PON3: variants seen among roughly 807,000 people sequenced by gnomAD.
The protein encoded by PON3 is paraoxonase 3.
Under a neutral mutation model 36.3 loss-of-function variants are expected in PON3, and 37 were observed. The observed-to-expected ratio is 1.02, with a 90% CI of 0.78 to 1.34. PON3 has a LOEUF of 1.34. PON3 is among the 40% of genes most tolerant of loss of function. The pLI, the probability that PON3 is intolerant of heterozygous loss-of-function variation, is 0.00. For synonymous variants in PON3, 155 were observed against 154.8 expected (o/e 1.00, Z -0.01); for missense variants, 415 against 426.5 (o/e 0.97, Z 0.24).
Position 95,367,502 on chromosome 7 carries a change from A to C in PON3, c.368-14T>G. 6.2e-7 allele frequency: 1 copy of C among 1,611,756 alleles called. No homozygotes were observed. The highest frequency in any genetic ancestry group is 8.5e-7 in the Non-Finnish European group (1 of 1,178,796). On this transcript the variant is annotated splice_polypyrimidine_tract_variant and intron_variant, in intron 4 of 8. Coordinates refer to ENST00000265627, the MANE Select transcript of PON3 (RefSeq NM_000940.3). The stretch of plus-strand genomic sequence containing the variant: ...ACACAGTATTGTCTACATGGAAAAA[A>C]GGGATAATTTCCAAGAAAGTTACCC...
chr7:95,363,890 T>C lies in PON3; in HGVS notation c.668A>G (p.Asn223Ser), dbSNP rs780945396. 10 of 1,613,540 alleles carry C rather than the reference T, an allele frequency of 6.2e-6. No individual in the cohort carries two copies. Among genetic ancestry groups the C allele is most frequent in the Admixed American group, 5.0e-5 (3 of 59,978 alleles). Residue 223 changes from asparagine (N) to serine (S), a missense_variant, in exon 6 of 9, where the codon AAT becomes AGT. Coordinates refer to ENST00000265627, the MANE Select transcript of PON3 (RefSeq NM_000940.3). The part of the protein sequence containing the change: ...KVVAKGFCSA[N>S]GITVSADQKY... ...CTGGTCTGCTGAGACTGTGATCCCATTGGCACTACAAAATCCTTTGGCCAC... is the reference window on the plus strand; with the variant it reads ...CTGGTCTGCTGAGACTGTGATCCCACTGGCACTACAAAATCCTTTGGCCAC...
At chr7:95,369,700 CG>C (rs924308441) in intron 4 of PON3, among the ~76,000 whole-genome samples, 1 of 152,052 alleles carries the variant, frequency 6.6e-6, no homozygotes, top group Non-Finnish European at 1.5e-5. Flanking sequence ...TGCTTGAACC[CG>C]GGAGGCAGGG....
Position 95,363,851 on chromosome 7 carries a change from A to G in PON3, c.695+12T>C, listed in dbSNP as rs17879069. The G allele has an allele frequency of 1.0e-3, 1,640 of 1,611,374 alleles. 14 individuals are homozygous for G. In the African/African-American group the frequency reaches 0.019, roughly 19 times the overall value. The stretch of plus-strand genomic sequence containing the variant: ...AAGGGCAAAGGATAGAAAAATACAC[A>G]AAAGAGCTTACTTCTGGTCTGCTGA... On this transcript the variant is annotated intron_variant, in intron 6 of 8. Transcript: ENST00000265627.
chr7:95,366,181 T>C (rs1808688352), intron 5 of PON3, among the ~76,000 whole-genome samples: 3 of 152,186 alleles, frequency 2.0e-5, no homozygotes, highest in Admixed American at 2.0e-4. Context: ...CTGCACTTTC[T>C]GGGAGACTCT....
rs1226692882 is a variant in PON3, at chr7:95,394,677, C to G, written c.112G>C (p.Glu38Gln). ...VNASREVEPV[E>Q]PENCHLIEEL... ...TCAATAAGGTGGCAGTTTTCAGGTT[C>G]TACTGGCTCCACTTCTCGAGAGGCA... Residue 38 changes from glutamate (E) to glutamine (Q), a missense_variant, in exon 2 of 9, where the codon GAA becomes CAA. Coordinates refer to ENST00000265627, the MANE Select transcript of PON3 (RefSeq NM_000940.3). 3 of 1,614,014 alleles carry G rather than the reference C, an allele frequency of 1.9e-6. No individual in the cohort carries two copies. The African/African-American group carries it at 4.0e-5, about 22-fold the overall frequency.
At chr7:95,394,991 A>G (rs1809397786) in intron 1 of PON3, among the ~76,000 whole-genome samples, 1 of 152,220 alleles carries the variant, frequency 6.6e-6, no homozygotes, top group Non-Finnish European at 1.5e-5. Context: ...AAAAGACACT[A>G]TTTAATAGTA....
intron 3 of PON3, among the ~76,000 whole-genome samples, chr7:95,385,328 T>G (rs1048848505): frequency 1.8e-4 from 28 of 152,154 alleles, no homozygotes; most frequent in African/African-American, 6.0e-4. Context: ...ATTGTGCACA[T>G]GTACCCTAGA....
At chr7:95,372,799 C>T (rs1562771987) in intron 3 of PON3, among the ~76,000 whole-genome samples, 1 of 152,164 alleles carries the variant, frequency 6.6e-6, no homozygotes, top group Non-Finnish European at 1.5e-5. Context: ...CCCATTCCTA[C>T]ATCGATTATA....
At chr7:95,382,216 A>T (rs62469562) in intron 3 of PON3, among the ~76,000 whole-genome samples, 1 of 152,120 alleles carries the variant, frequency 6.6e-6, no homozygotes, top group Non-Finnish European at 1.5e-5. Flanking sequence ...TGTAGAGGGA[A>T]ATTTATAGCA....
chr7:95,386,824 GT>G (rs1207968214), intron 3 of PON3, among the ~76,000 whole-genome samples: 1 of 152,112 alleles, frequency 6.6e-6, no homozygotes, highest in African/African-American at 2.4e-5. Flanking sequence ...TGCAAGGCTG[GT>G]TCAACATACA....
intron 3 of PON3, among the ~76,000 whole-genome samples, chr7:95,378,002 A>G (rs1808958936): frequency 6.6e-6 from 1 of 152,196 alleles, no homozygotes; most frequent in Non-Finnish European, 1.5e-5. Flanking sequence ...AGGAAGCTAA[A>G]AACCTTGAAA....
chr7:95,361,044 C>T (rs755351154), intron 8 of PON3, among the ~76,000 whole-genome samples: 3 of 152,074 alleles, frequency 2.0e-5, no homozygotes, highest in Non-Finnish European at 2.9e-5. Context: ...CTAAACAATT[C>T]TCCAATAATC....
At position 95,383,347 on chromosome 7, in the gene PON3, CG is replaced by C. The variant is rs1188368105; in HGVS notation, c.201+6806del. On this transcript the variant is annotated intron_variant, in intron 3 of 8. Coordinates refer to ENST00000265627, the MANE Select transcript of PON3 (RefSeq NM_000940.3). ...TATTCTACATAGTGTTGGAAGTTCT[CG>C]CCAAGGCAATCAGGCAGGAGAAAGA... 2.0e-5 allele frequency among the ~76,000 whole-genome samples: 3 copies of C among 152,064 alleles called. No individual in the cohort carries two copies. In the East Asian group the frequency reaches 5.8e-4, roughly 29 times the overall value.
At chr7:95,373,314 C>T (rs890080050) in intron 3 of PON3, among the ~76,000 whole-genome samples, 10 of 152,168 alleles carry the variant, frequency 6.6e-5, no homozygotes, top group African/African-American at 2.2e-4. Context: ...ACTGGCTCTT[C>T]CACTGCTCCC....
At chr7:95,392,728 C>A (rs576962046) in intron 2 of PON3, among the ~76,000 whole-genome samples, 5 of 152,324 alleles carry the variant, frequency 3.3e-5, no homozygotes, top group African/African-American at 1.2e-4. Context: ...TTCTACACTA[C>A]GTATCATCGA....
At chr7:95,393,228 A>C (rs1809357723) in intron 2 of PON3, among the ~76,000 whole-genome samples, 1 of 152,206 alleles carries the variant, frequency 6.6e-6, no homozygotes, top group African/African-American at 2.4e-5. Flanking sequence ...TCACATTCTA[A>C]TAAATAAGTC....
Position 95,388,319 on chromosome 7 carries a change from A to G in PON3, c.201+1835T>C, listed in dbSNP as rs113135486. ...ACTTCTCAAAAGAAGACATTTATGC[A>G]GTCAACAGACATGAATAAATGCTCA... On this transcript the variant is annotated intron_variant, in intron 3 of 8. Coordinates refer to ENST00000265627, the MANE Select transcript of PON3 (RefSeq NM_000940.3). Among the ~76,000 whole-genome samples, 790 of 152,340 alleles carry G rather than the reference A, an allele frequency of 5.2e-3. 11 individuals carry two copies. Among genetic ancestry groups the G allele is most frequent in the African/African-American group, 0.018 (734 of 41,578 alleles).
intron 4 of PON3, among the ~76,000 whole-genome samples, chr7:95,369,759 A>G (rs898647284): frequency 2.0e-5 from 3 of 152,154 alleles, no homozygotes; most frequent in African/African-American, 4.8e-5. Context: ...TTGGGAGACG[A>G]GCAAAACTTC....
intron 3 of PON3, among the ~76,000 whole-genome samples, chr7:95,374,583 T>C (rs1481161364): frequency 6.6e-6 from 1 of 152,178 alleles, no homozygotes; most frequent in Non-Finnish European, 1.5e-5. Flanking sequence ...TCAAATTTCT[T>C]AGAAACATCA....
Sources: gnomAD v4.1 joint callset for allele counts (sites outside exome capture counted in the v4.1 genomes callset) on GRCh38, gnomAD v4.1.1 for gene constraint, MANE v1.5 for transcripts, NCBI Gene and HGNC (gene_info 2026-07-23, HGNC 2026-07-21) for gene names.